The following SCIN variants were observed in gnomAD, a reference collection of about 807,000 sequenced individuals.
SCIN encodes scinderin.
Under a neutral mutation model 91.8 loss-of-function variants are expected in SCIN, and 91 were observed. That is an observed-to-expected ratio of 0.99 (90% CI 0.84 to 1.18). The LOEUF (loss-of-function observed/expected upper bound fraction) is 1.18. Among genes scored for constraint, SCIN ranks in the 50% most tolerant of loss-of-function variants. SCIN has a pLI of 0.00. For missense variants in SCIN, 1,087 were observed against 863.9 expected (o/e 1.26, Z -3.24); for synonymous variants, 367 against 312.6 (o/e 1.17, Z -1.84).
chr7:12,591,644 G>A (rs1427150840), intron 3 of SCIN, among the ~76,000 whole-genome samples: 1 of 152,150 alleles, frequency 6.6e-6, no homozygotes, highest in East Asian at 1.9e-4. Flanking sequence ...GGGGTTTAGG[G>A]GTTCATTGGG....
chr7:12,620,034 T>A (rs1287915073), intron 4 of SCIN, among the ~76,000 whole-genome samples: 1 of 152,030 alleles, frequency 6.6e-6, no homozygotes, highest in Non-Finnish European at 1.5e-5. Context: ...AAAGGGATAA[T>A]TGACAAAGTT....
rs1361740397 is a variant in SCIN, at chr7:12,644,274, T to G, written c.1718T>G (p.Leu573Arg). The G allele has an allele frequency of 6.3e-7, 1 of 1,598,718 alleles. No homozygotes were observed. Among genetic ancestry groups the G allele is most frequent in the African/African-American group, 1.3e-5 (1 of 74,710 alleles). Residue 573 changes from leucine (L) to arginine (R), a missense_variant, in exon 12 of 16, where the codon CTA becomes CGA. Physicochemically the swap from Leu to Arg is moderately radical, Grantham distance 102. Transcript: ENST00000297029. Reference protein sequence around the residue: ...EKGAEYVASVLKCKTLRIQEG... With the variant: ...EKGAEYVASVRKCKTLRIQEG... ...GGAGCAGAGTATGTAGCAAGTGTCC[T>G]AAAGTGCAAAACCTTAAGGATCCAA...
intron 8 of SCIN, 150 bp from the exon 9 acceptor site, chr7:12,628,951 A>G: frequency 4.3e-6 from 3 of 691,616 alleles, no homozygotes; most frequent in Non-Finnish European, 6.9e-6. Context: ...CAAATCGATA[A>G]CAATTTCTTT....
intron 14 of SCIN, among the ~76,000 whole-genome samples, chr7:12,650,539 C>G (rs1173131353): frequency 6.6e-6 from 1 of 152,050 alleles, no homozygotes; most frequent in Non-Finnish European, 1.5e-5. Flanking sequence ...ATGGTTTGTT[C>G]TGTTCCCTGC....
At chr7:12,571,802 G>T (rs1313119871) in intron 1 of SCIN, among the ~76,000 whole-genome samples, 1 of 152,128 alleles carries the variant, frequency 6.6e-6, no homozygotes, top group African/African-American at 2.4e-5. Context: ...TTCGTGCCAG[G>T]CTGTCAGGAC....
intron 3 of SCIN, among the ~76,000 whole-genome samples, chr7:12,584,765 A>G (rs1271286092): frequency 6.6e-6 from 1 of 152,208 alleles, no homozygotes; most frequent in Non-Finnish European, 1.5e-5. Flanking sequence ...TGATTTTCCC[A>G]TGATTTTTAA....
At chr7:12,574,493 A>C (rs767630849) in intron 1 of SCIN, among the ~76,000 whole-genome samples, 7 of 152,038 alleles carry the variant, frequency 4.6e-5, no homozygotes, top group Non-Finnish European at 8.8e-5. Context: ...GAATTTACAC[A>C]TGTGATAAAA....
intron 3 of SCIN, among the ~76,000 whole-genome samples, chr7:12,588,215 ATG>A (rs1419972444): frequency 6.6e-6 from 1 of 152,216 alleles, no homozygotes; most frequent in Non-Finnish European, 1.5e-5. Flanking sequence ...GATCTCTAAA[ATG>A]TACCCTGAAG....
chr7:12,654,566 C>A lies in SCIN; in HGVS notation c.*1851C>A, dbSNP rs552900771. 2.6e-5 allele frequency: 4 copies of A among 152,008 alleles called. No individual in the cohort carries two copies. The highest frequency in any genetic ancestry group is 5.9e-5 in the Non-Finnish European group (4 of 68,010). 9.4% of individuals were successfully genotyped at this position (152,008 alleles called of 1,614,324 possible). A position where few individuals can be genotyped will look rare whatever the true frequency, so the allele number is the denominator to read the frequency against. Reference sequence around the variant, plus strand: ...AAATATTTATAAATATCTTCTGGGTCAAGCTGAATATTTTTTGAAGGATGA... The same window carrying A: ...AAATATTTATAAATATCTTCTGGGTAAAGCTGAATATTTTTTGAAGGATGA... On this transcript the variant is annotated 3_prime_UTR_variant, in exon 16 of 16. Transcript: ENST00000297029.
intron 8 of SCIN, among the ~76,000 whole-genome samples, chr7:12,628,419 A>G (rs1180404994): frequency 6.6e-6 from 1 of 152,124 alleles, no homozygotes. Context: ...TGTTTGGTGG[A>G]GGATCCACTT....
chr7:12,644,466 ATTTC>A, intron 12 of SCIN, 114 bp from the exon 13 acceptor site: 1 of 1,479,062 alleles, frequency 6.8e-7, no homozygotes, highest in African/African-American at 1.4e-5. Context: ...ATGGTACCTG[ATTTC>A]TTTAAGTAAT....
intron 1 of SCIN, among the ~76,000 whole-genome samples, chr7:12,577,073 G>C (rs1004094213): frequency 6.6e-6 from 1 of 152,116 alleles, no homozygotes; most frequent in Non-Finnish European, 1.5e-5. Flanking sequence ...AAGTTACCTG[G>C]ATGTGATGTG....
chr7:12,609,398 T>C (rs1783145954), intron 4 of SCIN, among the ~76,000 whole-genome samples: 1 of 152,202 alleles, frequency 6.6e-6, no homozygotes, highest in African/African-American at 2.4e-5. Context: ...CTTTCTTCTT[T>C]TCATATTTAA....
intron 3 of SCIN, among the ~76,000 whole-genome samples, chr7:12,596,886 T>C (rs910129891): frequency 2.0e-5 from 3 of 152,204 alleles, no homozygotes; most frequent in Admixed American, 6.5e-5. Context: ...AATGGCATTA[T>C]TGACCAATCC....
chr7:12,628,267 A>G (rs1462626541), intron 8 of SCIN, among the ~76,000 whole-genome samples: 1 of 152,154 alleles, frequency 6.6e-6, no homozygotes, highest in Non-Finnish European at 1.5e-5. Context: ...TTTTAAAAAC[A>G]GAAGTCATAT....
rs1293353546 is a variant in SCIN at position 12,655,637 on chromosome 7, A to G, written c.*2922A>G. 3 of 152,248 alleles carry G rather than the reference A, an allele frequency of 2.0e-5. No individual in the cohort carries two copies. The highest frequency in any genetic ancestry group is 7.2e-5 in the African/African-American group (3 of 41,476). The allele number at this position is 152,248 out of a possible 1,614,324, so 9.4% of individuals were successfully genotyped here. A position where few individuals can be genotyped will look rare whatever the true frequency, so the allele number is the denominator to read the frequency against. ...AAAATGTAGGGTTACAGGTTCACCC[A>G]TACACTGTTAATAGATGTATAAACT... On this transcript the variant is annotated 3_prime_UTR_variant, in exon 16 of 16. Transcript: ENST00000297029.
intron 9 of SCIN, among the ~76,000 whole-genome samples, chr7:12,629,433 T>A (rs974366730): frequency 2.0e-5 from 3 of 152,202 alleles, no homozygotes; most frequent in Non-Finnish European, 4.4e-5. Context: ...GATCATGCTA[T>A]CTAGTCTAGG....
chr7:12,575,692 T>G (rs1040028396), intron 1 of SCIN, among the ~76,000 whole-genome samples: 2 of 152,092 alleles, frequency 1.3e-5, no homozygotes, highest in African/African-American at 4.8e-5. Context: ...CAGCATAGTA[T>G]AACAGAACAT....
At chr7:12,575,659 A>C (rs551436298) in intron 1 of SCIN, among the ~76,000 whole-genome samples, 19 of 152,302 alleles carry the variant, frequency 1.2e-4, no homozygotes, top group African/African-American at 4.3e-4. Flanking sequence ...CACAAGTCTA[A>C]CATAATATAA....
Sources: gnomAD v4.1 joint callset for allele counts (sites outside exome capture counted in the v4.1 genomes callset) on GRCh38, gnomAD v4.1.1 for gene constraint, MANE v1.5 for transcripts, NCBI Gene and HGNC (gene_info 2026-07-23, HGNC 2026-07-21) for gene names.